TRMT11: variants seen among roughly 807,000 people sequenced by gnomAD.
The protein encoded by TRMT11 is tRNA methyltransferase 11.
A neutral mutation model predicts 62.8 loss-of-function variants in TRMT11; 53 were observed. The ratio of observed to expected loss-of-function variants is 0.84; its 90% CI spans 0.68 to 1.06. The LOEUF (loss-of-function observed/expected upper bound fraction) is 1.06, where lower values mean the gene tolerates loss of function less well. Ranked by LOEUF, TRMT11 falls within the 50% of genes least tolerant of loss-of-function variation. The pLI, the probability that TRMT11 is intolerant of heterozygous loss-of-function variation, is 0.00. For synonymous variants in TRMT11, 188 were observed against 190.3 expected (o/e 0.99, Z 0.10); for missense variants, 556 against 553.4 (o/e 1.00, Z -0.05).
chr6:126,191,371 A>G (rs1274621630), intron 1 of TRMT11, among the ~76,000 whole-genome samples: 2 of 151,886 alleles, frequency 1.3e-5, no homozygotes, highest in Admixed American at 1.3e-4. Flanking sequence ...CTAGCTTACA[A>G]ACATTTTCTC....
chr6:126,103,788 C>G (rs1777431327), intron 17 of TRMT11, among the ~76,000 whole-genome samples: 1 of 152,130 alleles, frequency 6.6e-6, no homozygotes, highest in Non-Finnish European at 1.5e-5. Flanking sequence ...GTCTTTGGAG[C>G]AAATTTGCTG....
At chr6:126,151,808 TTCTTTC>T (rs1466006582) in intron 21 of TRMT11, among the ~76,000 whole-genome samples, 1 of 78,094 alleles carries the variant, frequency 1.3e-5, no homozygotes, top group African/African-American at 5.2e-5. Context: ...TCTCTGTCTT[TTCTTTC>T]TTTCTTTCTT....
intron 21 of TRMT11, among the ~76,000 whole-genome samples, chr6:126,162,096 T>A (rs1362001253): frequency 6.6e-6 from 1 of 152,248 alleles, no homozygotes; most frequent in Admixed American, 6.5e-5. Context: ...TGGCTTTTGT[T>A]GCCGTTGCTT....
chr6:126,271,377 A>AG, the TRMT11 span, among the ~76,000 whole-genome samples: 1,303 of 149,978 alleles, frequency 8.7e-3, 27 homozygotes, highest in African/African-American at 0.03. Flanking sequence ...AAAAAAAAAA[A>AG]AAAAAAAAAA....
the TRMT11 span, among the ~76,000 whole-genome samples, chr6:126,245,756 AGTTTG>A: frequency 1.3e-5 from 2 of 152,146 alleles, no homozygotes; most frequent in African/African-American, 2.4e-5. Flanking sequence ...TTTAGTCTCC[AGTTTG>A]GTGGTGGGTA....
chr6:126,250,655 T>C, the TRMT11 span, among the ~76,000 whole-genome samples: 6 of 152,190 alleles, frequency 3.9e-5, no homozygotes, highest in Non-Finnish European at 7.3e-5. Flanking sequence ...AGCCCACCCT[T>C]TCAGAAATGC....
intron 17 of TRMT11, among the ~76,000 whole-genome samples, chr6:126,076,527 A>G (rs1261902720): frequency 6.6e-6 from 1 of 152,204 alleles, no homozygotes; most frequent in Non-Finnish European, 1.5e-5. Context: ...CTTTACTTTG[A>G]ACTAGGTTGA....
At chr6:126,161,003 T>A (rs894196308) in intron 21 of TRMT11, among the ~76,000 whole-genome samples, 4 of 152,102 alleles carry the variant, frequency 2.6e-5, no homozygotes, top group African/African-American at 9.7e-5. Flanking sequence ...AGTCAAAAGG[T>A]CAAAACTTAA....
intron 17 of TRMT11, among the ~76,000 whole-genome samples, chr6:126,088,836 A>C (rs41498050): frequency 0.068 from 10,378 of 152,220 alleles, 449 homozygotes; most frequent in African/African-American, 0.13. Context: ...TAAAGGGAAA[A>C]AGAGAATTGA....
chr6:126,169,454 G>A (rs1778306036), intron 21 of TRMT11, among the ~76,000 whole-genome samples: 1 of 152,192 alleles, frequency 6.6e-6, no homozygotes. Flanking sequence ...ATGTCGAAAA[G>A]ACTCATCAGT....
the TRMT11 span, among the ~76,000 whole-genome samples, chr6:126,230,577 A>C: frequency 6.6e-6 from 1 of 152,302 alleles, no homozygotes; most frequent in African/African-American, 2.4e-5. Context: ...CTCTTCAGCA[A>C]TATTTTCTAT....
the TRMT11 span, among the ~76,000 whole-genome samples, chr6:126,221,183 C>T: frequency 2.6e-5 from 4 of 152,220 alleles, no homozygotes; most frequent in African/African-American, 9.6e-5. Context: ...TAGGTTGATT[C>T]CATGTCTTTG....
the TRMT11 span, among the ~76,000 whole-genome samples, chr6:126,215,765 G>T: frequency 6.1e-4 from 92 of 151,604 alleles, 1 homozygote; most frequent in African/African-American, 2.1e-3. Context: ...TTGATTTGAG[G>T]TTATCATGAG....
intron 21 of TRMT11, among the ~76,000 whole-genome samples, chr6:126,129,139 C>T (rs1777752705): frequency 6.6e-6 from 1 of 151,972 alleles, no homozygotes; most frequent in Non-Finnish European, 1.5e-5. Context: ...ATTTCTAGCC[C>T]CTGCCAACTC....
At chr6:126,259,647 G>A in the TRMT11 span, among the ~76,000 whole-genome samples, 27 of 152,258 alleles carry the variant, frequency 1.8e-4, no homozygotes, top group African/African-American at 4.6e-4. Flanking sequence ...TTCTTAGTAA[G>A]GGTATTGTTG....
At chr6:126,053,436 A>G (rs573061435) in intron 17 of TRMT11, among the ~76,000 whole-genome samples, 4 of 152,248 alleles carry the variant, frequency 2.6e-5, no homozygotes, top group African/African-American at 9.6e-5. Flanking sequence ...CACTCACTCT[A>G]TTTCCTCTTT....
At chr6:126,020,171 GA>G (rs762994733) in intron 11 of TRMT11, among the ~76,000 whole-genome samples, 1 of 152,172 alleles carries the variant, frequency 6.6e-6, no homozygotes, top group Non-Finnish European at 1.5e-5. Context: ...TCCTTTACAT[GA>G]AAAACTAATC....
At chr6:126,235,958 A>G in the TRMT11 span, among the ~76,000 whole-genome samples, 1 of 152,204 alleles carries the variant, frequency 6.6e-6, no homozygotes, top group Admixed American at 6.5e-5. Flanking sequence ...TGCCATGTGA[A>G]TATGTTGGTA....
At chr6:126,172,095 T>C (rs1416903406) in intron 21 of TRMT11, among the ~76,000 whole-genome samples, 3 of 152,178 alleles carry the variant, frequency 2.0e-5, no homozygotes, top group Non-Finnish European at 4.4e-5. Flanking sequence ...ATTACATTGT[T>C]TGGAGTGGCT....
Sources: gnomAD v4.1 joint callset for allele counts (sites outside exome capture counted in the v4.1 genomes callset) on GRCh38, gnomAD v4.1.1 for gene constraint, MANE v1.5 for transcripts, NCBI Gene and HGNC (gene_info 2026-07-23, HGNC 2026-07-21) for gene names.